UBE3D: variants seen among roughly 807,000 people sequenced by gnomAD.
UBE3D encodes ubiquitin protein ligase E3D.
Under a neutral mutation model 49.6 loss-of-function variants are expected in UBE3D, and 48 were observed. The observed-to-expected ratio is 0.97, with a 90% CI of 0.77 to 1.23. UBE3D has a LOEUF of 1.23. Among genes scored for constraint, UBE3D ranks in the 50% most tolerant of loss-of-function variants. UBE3D has a pLI of 0.00. For missense variants in UBE3D, 452 were observed against 468.4 expected, an observed-to-expected ratio of 0.96 and a Z score of 0.32; for synonymous variants, 189 against 174.2, an observed-to-expected ratio of 1.08 and a Z score of -0.67.
rs145259459 is a variant in UBE3D, at chr6:82,953,922, G to A, written c.1149+3390C>T. ...ACTGAGACCTGAACGACAAGAAGCA[G>A]GTGGCCATGCAAAGACCTGGTGCAG... On this transcript the variant is annotated intron_variant, in intron 9 of 9. Transcript: ENST00000369747. Among the ~76,000 whole-genome samples, 35 of 152,322 alleles carry A rather than the reference G, an allele frequency of 2.3e-4. No individual in the cohort carries two copies. In the East Asian group the frequency reaches 6.0e-3, roughly 26 times the overall value.
intron 5 of UBE3D, among the ~76,000 whole-genome samples, chr6:83,035,264 C>T (rs564180303): frequency 2.3e-4 from 35 of 152,248 alleles, no homozygotes; most frequent in African/African-American, 7.7e-4. Flanking sequence ...CTGCTGCCCA[C>T]TCCTTACCCT....
At chr6:82,905,456 C>T (rs1772033466) in intron 9 of UBE3D, among the ~76,000 whole-genome samples, 2 of 152,098 alleles carry the variant, frequency 1.3e-5, no homozygotes, top group South Asian at 4.1e-4. Context: ...GTTGTCTGTT[C>T]TGTCTGTACC....
At position 82,904,335 on chromosome 6, in the gene UBE3D, C is replaced by T. The variant is rs974095616; in HGVS notation, c.1150-11293G>A. Among the ~76,000 whole-genome samples the T allele has an allele frequency of 3.3e-5, 5 of 152,248 alleles. No individual in the cohort carries two copies. The South Asian group carries it at 6.2e-4, about 19-fold the overall frequency. ...CCAAGAACCTATCAACCACGTTAAA[C>T]GAGGACTACTGTACATTACACAGAG... On this transcript the variant is annotated intron_variant, in intron 9 of 9. Coordinates refer to ENST00000369747, the MANE Select transcript of UBE3D (RefSeq NM_198920.3).
At chr6:83,021,246 A>T (rs888517498) in intron 7 of UBE3D, among the ~76,000 whole-genome samples, 2 of 151,992 alleles carry the variant, frequency 1.3e-5, no homozygotes, top group Non-Finnish European at 2.9e-5. Context: ...TTTGAGACCA[A>T]CCTGGGCAAC....
intron 8 of UBE3D, among the ~76,000 whole-genome samples, chr6:82,981,640 A>G (rs532851003): frequency 1.3e-5 from 2 of 152,092 alleles, no homozygotes; most frequent in Non-Finnish European, 2.9e-5. Context: ...GTTATACATT[A>G]ATAGATTTCT....
intron 9 of UBE3D, among the ~76,000 whole-genome samples, chr6:82,906,123 C>T (rs940214762): frequency 3.3e-5 from 5 of 152,116 alleles, no homozygotes; most frequent in Non-Finnish European, 7.3e-5. Flanking sequence ...CAAATTTCTC[C>T]AACTAGCTCA....
intron 9 of UBE3D, among the ~76,000 whole-genome samples, chr6:82,940,347 C>T (rs1774919440): frequency 6.6e-6 from 1 of 152,212 alleles, no homozygotes. Context: ...AGGCAATTCT[C>T]AGAAATTGTT....
intron 1 of UBE3D, among the ~76,000 whole-genome samples, chr6:83,059,654 G>A (rs1784039636): frequency 6.6e-6 from 1 of 152,194 alleles, no homozygotes; most frequent in Admixed American, 6.5e-5. Context: ...AAAAACTTTA[G>A]TCATTTTATA....
chr6:82,912,851 CT>C (rs1051066605), intron 9 of UBE3D, among the ~76,000 whole-genome samples: 3 of 151,980 alleles, frequency 2.0e-5, no homozygotes, highest in Non-Finnish European at 2.9e-5. Context: ...AACAAACAAC[CT>C]TTTTTTTAAA....
intron 3 of UBE3D, among the ~76,000 whole-genome samples, chr6:83,047,395 A>G (rs1405056132): frequency 1.3e-5 from 2 of 152,172 alleles, no homozygotes; most frequent in Non-Finnish European, 2.9e-5. Flanking sequence ...TACAAACTAT[A>G]TCAAGAATTG....
chr6:82,903,469 TG>T (rs753770636), intron 9 of UBE3D, among the ~76,000 whole-genome samples: 26 of 152,072 alleles, frequency 1.7e-4, no homozygotes, highest in Non-Finnish European at 3.5e-4. Context: ...CCTGAAATCT[TG>T]GGAAGGAATT....
At chr6:82,897,094 T>C (rs1232440213) in intron 9 of UBE3D, among the ~76,000 whole-genome samples, 1 of 152,050 alleles carries the variant, frequency 6.6e-6, no homozygotes, top group African/African-American at 2.4e-5. Context: ...ATAGAAAGGC[T>C]TTAGAAAGGA....
At chr6:82,991,973 T>C (rs2127733120) in intron 8 of UBE3D, among the ~76,000 whole-genome samples, 1 of 151,886 alleles carries the variant, frequency 6.6e-6, no homozygotes, top group Middle Eastern at 3.4e-3. Flanking sequence ...CCCTAATATA[T>C]AAATTAAGAT....
At chr6:82,888,698 A>G (rs1172698454), downstream of UBE3D, among the ~76,000 whole-genome samples, 1 of 152,192 alleles carries the variant, frequency 6.6e-6, no homozygotes, top group Admixed American at 6.5e-5. Context: ...TGGGTTTCAT[A>G]ATTTATATGT....
At chr6:83,013,655 C>T (rs546239291) in intron 8 of UBE3D, among the ~76,000 whole-genome samples, 5 of 152,254 alleles carry the variant, frequency 3.3e-5, no homozygotes, top group East Asian at 1.9e-4. Flanking sequence ...GTAGGAGGGG[C>T]GAAATGCAGC....
chr6:82,941,102 A>G (rs1242983187), intron 9 of UBE3D, among the ~76,000 whole-genome samples: 1 of 152,086 alleles, frequency 6.6e-6, no homozygotes, highest in Non-Finnish European at 1.5e-5. Context: ...GCTACTTAGG[A>G]GGCTGAGGCA....
intron 8 of UBE3D, among the ~76,000 whole-genome samples, chr6:82,975,896 A>C (rs966588342): frequency 1.3e-5 from 2 of 152,198 alleles, no homozygotes; most frequent in Non-Finnish European, 2.9e-5. Context: ...CTTAGGTAAC[A>C]AAGAATACAA....
chr6:83,065,554 C>A, intron 1 of UBE3D, 88 bp downstream of exon 1: 1 of 1,264,428 alleles, frequency 7.9e-7, no homozygotes, highest in Non-Finnish European at 1.1e-6. Flanking sequence ...AACTCAAAAT[C>A]CCTCGTACAG....
chr6:83,035,261 C>T (rs1025019408), intron 5 of UBE3D, among the ~76,000 whole-genome samples: 9 of 152,044 alleles, frequency 5.9e-5, no homozygotes, highest in Non-Finnish European at 2.9e-5. Flanking sequence ...GTCCTGCTGC[C>T]CACTCCTTAC....
Sources: gnomAD v4.1 joint callset for allele counts (sites outside exome capture counted in the v4.1 genomes callset) on GRCh38, gnomAD v4.1.1 for gene constraint, MANE v1.5 for transcripts, NCBI Gene and HGNC (gene_info 2026-07-23, HGNC 2026-07-21) for gene names.